Variants in FER observed in about 807,000 individuals in gnomAD.
FER encodes the protein tyrosine-protein kinase Fer.
FER carries 63 observed loss-of-function variants against 111.0 expected under a neutral mutation model. That is an observed-to-expected ratio of 0.57 (90% CI 0.46 to 0.70). The LOEUF (loss-of-function observed/expected upper bound fraction) is 0.70. Among genes scored for constraint, FER ranks in the 30% least tolerant of loss-of-function variants. The pLI, the probability that FER is intolerant of heterozygous loss-of-function variation, is 0.00. For missense variants in FER, 914 were observed against 954.0 expected (o/e 0.96, Z 0.55); for synonymous variants, 327 against 313.9 (o/e 1.04, Z -0.44).
intron 17 of FER, among the ~76,000 whole-genome samples, chr5:109,114,880 A>G (rs1212896870): frequency 6.6e-6 from 1 of 151,836 alleles, no homozygotes; most frequent in Non-Finnish European, 1.5e-5. Flanking sequence ...TATTGTTTGT[A>G]TTATATCCTG....
intron 8 of FER, among the ~76,000 whole-genome samples, chr5:108,873,636 TC>T (rs1764820131): frequency 6.6e-6 from 1 of 152,156 alleles, no homozygotes; most frequent in Admixed American, 6.6e-5. Flanking sequence ...TTGAAGCTGT[TC>T]CTAAGTTTTT....
intron 17 of FER, among the ~76,000 whole-genome samples, chr5:109,158,053 G>GA (rs1366258638): frequency 3.4e-5 from 5 of 146,632 alleles, no homozygotes; most frequent in Non-Finnish European, 3.1e-5. Context: ...TAAGTTAAAA[G>GA]AAAAAAGAAA....
At chr5:108,782,057 GA>G (rs781269557) in intron 2 of FER, among the ~76,000 whole-genome samples, 12 of 152,218 alleles carry the variant, frequency 7.9e-5, no homozygotes, top group Non-Finnish European at 1.5e-4. Flanking sequence ...TGTTGGCACT[GA>G]GCCTTCAGCA....
chr5:108,989,562 T>G (rs1762935593), intron 13 of FER, among the ~76,000 whole-genome samples: 1 of 152,016 alleles, frequency 6.6e-6, no homozygotes, highest in Admixed American at 6.6e-5. Context: ...TTTCTGAGTG[T>G]GAAATATTAT....
intron 13 of FER, among the ~76,000 whole-genome samples, chr5:109,015,458 A>T (rs72790528): frequency 0.11 from 16,856 of 151,960 alleles, 1,033 homozygotes; most frequent in Non-Finnish European, 0.14. Context: ...TTCATGCCAC[A>T]TTAACTGAAT....
intron 2 of FER, among the ~76,000 whole-genome samples, chr5:108,772,770 G>A (rs1274538337): frequency 6.6e-6 from 1 of 152,144 alleles, no homozygotes; most frequent in Non-Finnish European, 1.5e-5. Flanking sequence ...GAAATTCAAG[G>A]CGTTCCTCCT....
intron 13 of FER, among the ~76,000 whole-genome samples, chr5:108,971,946 G>A (rs1760722560): frequency 6.6e-6 from 1 of 151,854 alleles, no homozygotes; most frequent in Non-Finnish European, 1.5e-5. Context: ...GTAATGAATT[G>A]TTGAAGTTTT....
At chr5:109,155,213 A>G (rs1462629605) in intron 17 of FER, among the ~76,000 whole-genome samples, 7 of 151,906 alleles carry the variant, frequency 4.6e-5, no homozygotes, top group Middle Eastern at 6.3e-3. Flanking sequence ...TCTCTTAAGT[A>G]ACTGATATGT....
At chr5:109,015,146 A>G (rs1229771143) in intron 13 of FER, among the ~76,000 whole-genome samples, 2 of 152,076 alleles carry the variant, frequency 1.3e-5, no homozygotes, top group East Asian at 3.9e-4. Flanking sequence ...ATGATTTGAT[A>G]AGCCCCTTGT....
chr5:108,867,278 T>G (rs1343905283), intron 5 of FER, among the ~76,000 whole-genome samples: 1 of 152,172 alleles, frequency 6.6e-6, no homozygotes, highest in Non-Finnish European at 1.5e-5. Context: ...AGGAAGGAAC[T>G]ATCTGTTCTT....
chr5:109,130,558 ACT>A (rs1285863553), intron 17 of FER, among the ~76,000 whole-genome samples: 1 of 152,112 alleles, frequency 6.6e-6, no homozygotes, highest in Non-Finnish European at 1.5e-5. Context: ...TTAAATAATA[ACT>A]CAATACAGAT....
chr5:108,788,112 A>G (rs947955741), intron 2 of FER, among the ~76,000 whole-genome samples: 1 of 152,014 alleles, frequency 6.6e-6, no homozygotes, highest in African/African-American at 2.4e-5. Flanking sequence ...ATGCTGTAAC[A>G]CCCTTTTTGG....
At position 109,047,120 on chromosome 5, in the gene FER, G is replaced by A; in HGVS notation, c.1846G>A (p.Asp616Asn). 6.3e-7 allele frequency: 1 copy of A among 1,587,112 alleles called. No individual in the cohort carries two copies. The highest frequency in any genetic ancestry group is 1.4e-5 in the African/African-American group (1 of 73,816). ...CTCATCTAGAATTCTCAAGCAATAT[G>A]ATCATCCCAATATTGTCAAACTTAT... ...LQEAKILKQY[D>N]HPNIVKLIGV... The change falls in exon 16 of 20, where the codon GAT becomes AAT. Residue 616 changes from aspartate (D) to asparagine (N), a missense_variant. By Grantham distance (23) the Asp-to-Asn change is conservative (BLOSUM62 1). Transcript: ENST00000281092.
At position 108,774,485 on chromosome 5, in the gene FER, T is replaced by C. The variant is rs150224600; in HGVS notation, c.-60+6247T>C. ...ATCCTTGAGGAATTGCCATACTGTC[T>C]TCCACAATGGTTGAACTAATTTACA... On this transcript the variant is annotated intron_variant, in intron 2 of 19. Coordinates refer to ENST00000281092, the MANE Select transcript of FER (RefSeq NM_005246.4). Among the ~76,000 whole-genome samples the C allele has an allele frequency of 5.9e-3, 895 of 152,280 alleles. 13 individuals carry two copies. The highest frequency in any genetic ancestry group is 0.021 in the African/African-American group (861 of 41,538).
chr5:108,756,766 T>G (rs1037919068), intron 1 of FER, among the ~76,000 whole-genome samples: 1 of 152,180 alleles, frequency 6.6e-6, no homozygotes, highest in African/African-American at 2.4e-5. Flanking sequence ...GCCAATTTCT[T>G]TCTCCTACAC....
intron 11 of FER, among the ~76,000 whole-genome samples, chr5:108,948,642 T>C (rs1757327013): frequency 6.6e-6 from 1 of 152,208 alleles, no homozygotes; most frequent in South Asian, 2.1e-4. Flanking sequence ...TCCATTCCAA[T>C]TGAAAGTCTT....
At chr5:108,861,010 C>T (rs960423467) in intron 5 of FER, among the ~76,000 whole-genome samples, 19 of 152,134 alleles carry the variant, frequency 1.2e-4, no homozygotes, top group Admixed American at 6.5e-5. Flanking sequence ...AACCACCTTC[C>T]ACCTGGTCCT....
At chr5:108,947,173 T>C (rs1052180778) in intron 11 of FER, among the ~76,000 whole-genome samples, 36 of 152,074 alleles carry the variant, frequency 2.4e-4, no homozygotes, top group African/African-American at 8.7e-4. Context: ...CAAGTGTTTT[T>C]CTGTGTATAT....
At chr5:108,906,460 A>T (rs1195465047) in intron 10 of FER, among the ~76,000 whole-genome samples, 3 of 152,280 alleles carry the variant, frequency 2.0e-5, no homozygotes, top group South Asian at 2.1e-4. Context: ...ACATTTTTTA[A>T]AAAACTGTCA....
Sources: gnomAD v4.1 joint callset for allele counts (sites outside exome capture counted in the v4.1 genomes callset) on GRCh38, gnomAD v4.1.1 for gene constraint, MANE v1.5 for transcripts, NCBI Gene and HGNC (gene_info 2026-07-23, HGNC 2026-07-21) for gene names.